NFIA: variants seen among roughly 807,000 people sequenced by gnomAD.
NFIA encodes nuclear factor 1 A-type.
Under a neutral mutation model 62.8 loss-of-function variants are expected in NFIA, and 8 were observed. That is an observed-to-expected ratio of 0.13 (90% CI 0.07 to 0.23). The LOEUF is 0.23. NFIA is among the 10% of genes least tolerant of loss of function. The pLI is 1.00. For missense variants in NFIA, 410 were observed against 642.1 expected (o/e 0.64, Z 3.91); for synonymous variants, 235 against 238.1 (o/e 0.99, Z 0.12).
chr1:61,088,765 A>T lies in NFIA; in HGVS notation c.559+85A>T, dbSNP rs954644009. ...TCCGCGTTATGCCGGATTCTTCCTG[A>T]GCTCCCCAAGTTGCAGGCCACGTAC... On this transcript the variant is annotated intron_variant, in intron 2 of 10. Coordinates refer to ENST00000403491, the MANE Select transcript of NFIA (RefSeq NM_001134673.4). This position sits in a 1 kb window ranked among gnomAD's most constrained non-coding sequence, Gnocchi z 4.5. The T allele has an allele frequency of 9.5e-6, 14 of 1,473,490 alleles. No homozygotes were observed. In the East Asian group the frequency reaches 3.2e-4, roughly 34 times the overall value. The allele number at this position is 1,473,490 out of a possible 1,614,324, so 91.3% of individuals were successfully genotyped here.
At chr1:61,226,299 A>T (rs1004775049) in intron 2 of NFIA, among the ~76,000 whole-genome samples, 1 of 152,212 alleles carries the variant, frequency 6.6e-6, no homozygotes, top group African/African-American at 2.4e-5. Context: ...GAGTCTCCAG[A>T]TATGTATTTA....
At chr1:61,257,813 G>A (rs1341627922) in intron 2 of NFIA, among the ~76,000 whole-genome samples, 1 of 150,408 alleles carries the variant, frequency 6.6e-6, no homozygotes, top group Non-Finnish European at 1.5e-5. Context: ...GGACTTAGGT[G>A]ATCCTCTCAT....
intron 2 of NFIA, among the ~76,000 whole-genome samples, chr1:61,165,876 A>G (rs1035829159): frequency 1.3e-5 from 2 of 152,194 alleles, no homozygotes; most frequent in Non-Finnish European, 2.9e-5. Flanking sequence ...CCAATACGTA[A>G]TCACTTTGTC....
Position 61,313,689 on chromosome 1 carries a change from T to G in NFIA, c.626-18823T>G, listed in dbSNP as rs190534712. 3.3e-5 allele frequency among the ~76,000 whole-genome samples: 5 copies of G among 152,230 alleles called. No individual in the cohort carries two copies. In the East Asian group the frequency reaches 9.6e-4, roughly 29 times the overall value. On this transcript the variant is annotated intron_variant, in intron 3 of 10. Transcript: ENST00000403491. ...GGGTAAAATCTACTGAGTCCATCAT[T>G]TGGTGAGAAAAAAAAATCTATGGTA...
intron 2 of NFIA, among the ~76,000 whole-genome samples, chr1:61,207,239 C>T (rs464113): frequency 0.68 from 103,561 of 151,662 alleles, 37,207 homozygotes; most frequent in African/African-American, 0.92. Flanking sequence ...GAATAAATGG[C>T]ATTTTACGTT....
intron 2 of NFIA, among the ~76,000 whole-genome samples, chr1:61,202,355 G>C (rs1652562126): frequency 6.6e-6 from 1 of 152,162 alleles, no homozygotes; most frequent in Non-Finnish European, 1.5e-5. Context: ...GGGAAGTCTT[G>C]TATATATAAG....
chr1:61,233,392 T>C (rs932648590), intron 2 of NFIA, among the ~76,000 whole-genome samples: 2 of 152,176 alleles, frequency 1.3e-5, no homozygotes, highest in East Asian at 1.9e-4. Context: ...ACTCAGTTCA[T>C]AGGTGACGGG....
At chr1:61,277,625 C>A in intron 3 of NFIA, 40 bp downstream of exon 3, 2 of 1,601,722 alleles carry the variant, frequency 1.2e-6, no homozygotes, top group Middle Eastern at 1.7e-4. Flanking sequence ...CTTTCAGAGT[C>A]CACAGCAGCC....
intron 3 of NFIA, among the ~76,000 whole-genome samples, chr1:61,329,754 CA>C (rs1369439295): frequency 6.6e-6 from 1 of 152,166 alleles, no homozygotes; most frequent in African/African-American, 2.4e-5. Context: ...ATGCATGGCA[CA>C]TAGTAGGTAC....
rs939845492 is a variant in NFIA at position 61,082,696 on chromosome 1, C to T, written c.-96C>T. On this transcript the variant is annotated 5_prime_UTR_variant, in exon 1 of 11. Transcript: ENST00000403491. ...CTTCTCTCTCTCTCTCTCTCTCTCT[C>T]TTCCTCTCTCCCTCTTTCTCCTCTC... 6.5e-7 allele frequency: 1 copy of T among 1,530,596 alleles called. No homozygotes were observed. Among genetic ancestry groups the T allele is most frequent in the East Asian group, 2.5e-5 (1 of 40,014 alleles). The allele number at this position is 1,530,596 out of a possible 1,614,324, so 94.8% of individuals were successfully genotyped here.
intron 6 of NFIA, among the ~76,000 whole-genome samples, chr1:61,361,824 T>TAC (rs1277149123): frequency 3.0e-5 from 4 of 135,116 alleles, no homozygotes; most frequent in African/African-American, 1.1e-4. Flanking sequence ...TGTGTGTGTG[T>TAC]GTACGTACAC....
intron 8 of NFIA, among the ~76,000 whole-genome samples, 173 bp downstream of exon 8, chr1:61,404,455 T>A (rs146794284): frequency 9.8e-5 from 15 of 152,294 alleles, no homozygotes; most frequent in African/African-American, 3.6e-4. Flanking sequence ...TAAGAGTGAT[T>A]AGTCAGGGTT....
At chr1:61,138,862 G>C (rs1647294366) in intron 2 of NFIA, among the ~76,000 whole-genome samples, 1 of 151,794 alleles carries the variant, frequency 6.6e-6, no homozygotes, top group Admixed American at 6.5e-5. Context: ...TATTACGGGT[G>C]TGAGCCACCG....
At chr1:61,141,415 A>G (rs1006027945) in intron 2 of NFIA, among the ~76,000 whole-genome samples, 9 of 62,106 alleles carry the variant, frequency 1.4e-4, no homozygotes, top group Non-Finnish European at 3.6e-4. Context: ...CCCTTTACTC[A>G]GGGGGAAAAA....
intron 2 of NFIA, among the ~76,000 whole-genome samples, chr1:61,155,646 G>T (rs1470827924): frequency 7.5e-6 from 1 of 133,768 alleles, no homozygotes; most frequent in Admixed American, 8.0e-5. Flanking sequence ...GCAGTCCGCA[G>T]TCCGGCCTGG....
At chr1:61,158,423 A>G (rs1269584396) in intron 2 of NFIA, among the ~76,000 whole-genome samples, 1 of 152,176 alleles carries the variant, frequency 6.6e-6, no homozygotes, top group Non-Finnish European at 1.5e-5. Flanking sequence ...GTACAAAGCA[A>G]CTCTGAAATG....
At chr1:61,330,605 A>C (rs1661250757) in intron 3 of NFIA, among the ~76,000 whole-genome samples, 1 of 152,096 alleles carries the variant, frequency 6.6e-6, no homozygotes, top group Non-Finnish European at 1.5e-5. Context: ...CCAATTCCCA[A>C]GTCCTTGCAC....
intron 2 of NFIA, among the ~76,000 whole-genome samples, chr1:61,247,997 T>C (rs1655759156): frequency 6.6e-6 from 1 of 152,208 alleles, no homozygotes; most frequent in Admixed American, 6.5e-5. Flanking sequence ...AATTTCCTTT[T>C]CAAGAGTTTC....
chr1:61,201,520 C>CG lies in NFIA; in HGVS notation c.560-76000_560-75999insG, dbSNP rs760656007. On this transcript the variant is annotated intron_variant, in intron 2 of 10. Transcript: ENST00000403491. Reference sequence around the variant, plus strand: ...TTTCTCTTTCCTTTCAACTAAAAAACAAAAAAAAAAAAGGAAAAAGGAAAT... The same window carrying CG: ...TTTCTCTTTCCTTTCAACTAAAAAACGAAAAAAAAAAAAGGAAAAAGGAAAT... 3.7e-4 allele frequency among the ~76,000 whole-genome samples: 34 copies of CG among 92,296 alleles called. 1 individual carries two copies. Among genetic ancestry groups the CG allele is most frequent in the African/African-American group, 1.1e-3 (27 of 25,510 alleles). The allele number at this position is 92,296 out of a possible 152,430, so 60.5% of individuals were successfully genotyped here.
Sources: allele counts gnomAD v4.1 joint callset (sites outside exome capture counted in the v4.1 genomes callset), GRCh38; gene constraint gnomAD v4.1.1; non-coding constraint Gnocchi (gnomAD v3.1); transcripts MANE v1.5; gene names NCBI Gene and HGNC (gene_info 2026-07-23, HGNC 2026-07-21).